Variants in NPHS1 observed in about 807,000 individuals in gnomAD.
The protein encoded by NPHS1 is nephrin.
NPHS1 carries 107 observed loss-of-function variants against 139.7 expected under a neutral mutation model. That is an observed-to-expected ratio of 0.77 (90% CI 0.66 to 0.90). The LOEUF (loss-of-function observed/expected upper bound fraction) is 0.90, where lower values mean the gene tolerates loss of function less well. Ranked by LOEUF, NPHS1 falls within the 40% of genes least tolerant of loss-of-function variation. The probability of loss-of-function intolerance (pLI) is 0.00; values close to 1 mark genes in which losing one functional copy is unlikely to be tolerated. For missense variants in NPHS1, 1,580 were observed against 1,654.2 expected (o/e 0.96, Z 0.78); for synonymous variants, 707 against 706.6 (o/e 1.00, Z -0.01).
chr19:35,835,582 G>C, intron 23 of NPHS1, 123 bp downstream of exon 23: 1 of 896,628 alleles, frequency 1.1e-6, no homozygotes, highest in Non-Finnish European at 1.9e-6. Flanking sequence ...AGGCGTGAGC[G>C]ACTGAGCTTG....
chr19:35,839,036 T>C (rs1007115808), intron 22 of NPHS1, among the ~76,000 whole-genome samples: 2 of 152,228 alleles, frequency 1.3e-5, no homozygotes, highest in Admixed American at 6.5e-5. Context: ...GTATGGGTTG[T>C]GGTTAACGGT....
rs1445032804 is a variant in NPHS1 at position 35,831,143 on chromosome 19, T to C, written c.3391A>G (p.Ser1131Gly). 2 of 1,613,908 alleles carry C rather than the reference T, an allele frequency of 1.2e-6. No individual in the cohort carries two copies. Among genetic ancestry groups the C allele is most frequent in the South Asian group, 2.2e-5 (2 of 91,078 alleles). ...TAATACGGCTCTGCCTCTGTTGTGC[T>C]GACCTGTTCCCCACACGCAAAACAA... Reference protein sequence around the residue: ...GERDTQSSTVSTTEAEPYYRS... With the variant: ...GERDTQSSTVGTTEAEPYYRS... Residue 1131 changes from serine (S) to glycine (G), a missense_variant, in exon 27 of 29, where the codon AGC (serine) becomes GGC (glycine). Ser to Gly is a moderately conservative substitution (Grantham distance 56). Coordinates refer to ENST00000378910, the MANE Select transcript of NPHS1 (RefSeq NM_004646.4).
In NPHS1 at chr19:35,825,784, A is replaced by G. The variant is rs1972793758; in HGVS notation, c.*730T>C. 6.6e-6 allele frequency among the ~76,000 whole-genome samples: 1 copy of G among 152,202 alleles called. No homozygotes were observed. The highest frequency in any genetic ancestry group is 2.4e-5 in the African/African-American group (1 of 41,454). Reference sequence around the variant, plus strand: ...TGTCGGAAATAATAAAATAATAGGTAGGATGCAACATGGATTCATAAATTC... The same window carrying G: ...TGTCGGAAATAATAAAATAATAGGTGGGATGCAACATGGATTCATAAATTC... On this transcript the variant is annotated 3_prime_UTR_variant, in exon 29 of 29. Transcript: ENST00000378910.
At chr19:35,837,243 T>G (rs1425410048) in intron 22 of NPHS1, among the ~76,000 whole-genome samples, 1 of 152,176 alleles carries the variant, frequency 6.6e-6, no homozygotes, top group Non-Finnish European at 1.5e-5. Flanking sequence ...TTGTAACATA[T>G]TCATCATATT....
rs779245373 is a variant in NPHS1 at position 35,845,979 on chromosome 19, C to G, written c.1627+29G>C. 3.0e-5 allele frequency: 47 copies of G among 1,551,732 alleles called. No individual in the cohort carries two copies. The South Asian group carries it at 5.0e-4, about 16-fold the overall frequency. On this transcript the variant is annotated intron_variant, in intron 12 of 28. Transcript: ENST00000378910. This position sits in a 1 kb window ranked among gnomAD's most constrained non-coding sequence, Gnocchi z 5.5. The stretch of plus-strand genomic sequence containing the variant: ...CCTGGCTCTGTCCCTCCCGCCCCGC[C>G]CCCGGGCCTCAGCAGTGCGAGCCCT...
chr19:35,831,007 CGGG>C, intron 27 of NPHS1, 43 bp downstream of exon 27: 1 of 1,605,284 alleles, frequency 6.2e-7, no homozygotes, highest in South Asian at 1.1e-5. Context: ...GTCCAGGCGT[CGGG>C]GGTACCTCTG....
At chr19:35,843,118 T>C (rs1416576358) in intron 17 of NPHS1, among the ~76,000 whole-genome samples, 1 of 152,102 alleles carries the variant, frequency 6.6e-6, no homozygotes, top group African/African-American at 2.4e-5. Flanking sequence ...ATCTACCCTC[T>C]ATCCACTGAT....
chr19:35,833,957 C>G (rs1270615797), intron 23 of NPHS1, among the ~76,000 whole-genome samples: 3 of 152,176 alleles, frequency 2.0e-5, no homozygotes, highest in South Asian at 2.1e-4. Flanking sequence ...CTGCCTCAGC[C>G]TCCCAAAGTT....
chr19:35,837,938 T>TAAAAAAAAAAAA (rs1200757977), intron 22 of NPHS1, among the ~76,000 whole-genome samples: 6 of 99,424 alleles, frequency 6.0e-5, no homozygotes, highest in African/African-American at 8.1e-5. Flanking sequence ...GTTATTCTCT[T>TAAAAAAAAAAAA]AAAAAAAAAA....
rs928896198 is a variant in NPHS1, at chr19:35,825,555, C to T, written c.*959G>A. Among the ~76,000 whole-genome samples, 3 of 152,244 alleles carry T rather than the reference C, an allele frequency of 2.0e-5. No individual in the cohort carries two copies. Among genetic ancestry groups the T allele is most frequent in the African/African-American group, 4.8e-5 (2 of 41,562 alleles). ...CCCATGCCTTTTTGCAGTCAACCCT[C>T]CTCTCATGGCCCCAGGAAACCTCTG... On this transcript the variant is annotated 3_prime_UTR_variant, in exon 29 of 29. Transcript: ENST00000378910.
At position 35,844,117 on chromosome 19, in the gene NPHS1, C is replaced by A. The variant is rs745809656; in HGVS notation, c.2198G>T (p.Arg733Leu). ...GCGGGGCTCACAGTGCACGTCCAGC[C>A]GCAGCCGCGCTTCCGCGGTGCCCTC... Reference protein sequence around the residue: ...NSEGTAEARLRLDVHYAPTIR... With the variant: ...NSEGTAEARLLLDVHYAPTIR... The change falls in exon 16 of 29, where the codon CGG becomes CTG. Residue 733 changes from arginine to leucine, a missense_variant. By Grantham distance (102) the Arg-to-Leu change is moderately radical. Transcript: ENST00000378910. 2.5e-6 allele frequency: 4 copies of A among 1,607,728 alleles called. No homozygotes were observed. In the African/African-American group the frequency reaches 4.0e-5, roughly 16 times the overall value.
intron 23 of NPHS1, among the ~76,000 whole-genome samples, chr19:35,833,859 G>T (rs1259427725): frequency 6.6e-6 from 1 of 152,034 alleles, no homozygotes; most frequent in African/African-American, 2.4e-5. Context: ...GCCATGCCTG[G>T]CTAATTTTTT....
At chr19:35,828,679 A>G (rs1320463225) in intron 28 of NPHS1, among the ~76,000 whole-genome samples, 1 of 152,242 alleles carries the variant, frequency 6.6e-6, no homozygotes, top group Non-Finnish European at 1.5e-5. Context: ...GTAGGAACAT[A>G]GCCACACTCA....
rs199604720 is a variant in NPHS1 at position 35,844,403 on chromosome 19, C to T, written c.1987G>A (p.Glu663Lys). 3.7e-5 allele frequency: 60 copies of T among 1,609,128 alleles called. No homozygotes were observed. In the African/African-American group the frequency reaches 7.3e-4, roughly 20 times the overall value. The part of the protein sequence containing the change: ...VLVVTAVEQG[E>K]ALLPVSVSAN... Reference sequence around the variant, plus strand: ...GACACGGACACGGGCAGCAACGCCTCGCCCTGCTCCACCGCGGTCACCACC... The same window carrying T: ...GACACGGACACGGGCAGCAACGCCTTGCCCTGCTCCACCGCGGTCACCACC... The change falls in exon 15 of 29, where the codon GAG (glutamate) becomes AAG (lysine). Residue 663 changes from glutamate to lysine, a missense_variant. Transcript: ENST00000378910.
At position 35,826,402 on chromosome 19, in the gene NPHS1, G is replaced by T; in HGVS notation, c.*112C>A. ...CCTCCATGTCCTCTCCTGACACCAA[G>T]TCCCTTTGGGTTTTATGGAGCTCAC... is the stretch of plus-strand genomic sequence containing the variant. On this transcript the variant is annotated 3_prime_UTR_variant, in exon 29 of 29. Transcript: ENST00000378910. The T allele has an allele frequency of 1.6e-6, 2 of 1,282,862 alleles. No individual in the cohort carries two copies. The highest frequency in any genetic ancestry group is 2.3e-6 in the Non-Finnish European group (2 of 885,096). 79.5% of individuals were successfully genotyped at this position (1,282,862 alleles called of 1,614,324 possible). A position where few individuals can be genotyped will look rare whatever the true frequency, so the allele number is the denominator to read the frequency against.
intron 4 of NPHS1, 97 bp downstream of exon 4, chr19:35,850,864 T>C: frequency 6.7e-7 from 1 of 1,486,460 alleles, no homozygotes; most frequent in Non-Finnish European, 9.2e-7. Flanking sequence ...ATGACATCTT[T>C]TCTGGGGCCC....
intron 5 of NPHS1, among the ~76,000 whole-genome samples, chr19:35,849,877 C>G (rs1013905960): frequency 6.6e-6 from 1 of 152,138 alleles, no homozygotes; most frequent in South Asian, 2.1e-4. Context: ...GCTTGGGACT[C>G]TAGAACTGAG....
At chr19:35,839,132 T>C (rs1231409737) in intron 22 of NPHS1, 105 bp downstream of exon 22, 14 of 1,087,708 alleles carry the variant, frequency 1.3e-5, no homozygotes, top group South Asian at 2.5e-5. Flanking sequence ...TTAACAGCTA[T>C]AGGCCTCAGT....
At chr19:35,835,628 G>T in intron 23 of NPHS1, 77 bp downstream of exon 23, 2 of 1,281,750 alleles carry the variant, frequency 1.6e-6, no homozygotes, top group Non-Finnish European at 2.3e-6. Flanking sequence ...GTGACTACAA[G>T]CAGAGGAGGT....
Sources: allele counts gnomAD v4.1 joint callset (sites outside exome capture counted in the v4.1 genomes callset), GRCh38; gene constraint gnomAD v4.1.1; non-coding constraint Gnocchi (gnomAD v3.1); transcripts MANE v1.5; gene names NCBI Gene and HGNC (gene_info 2026-07-23, HGNC 2026-07-21).